The following CCDC141 variants were observed in gnomAD, a reference collection of about 807,000 sequenced individuals.
CCDC141 encodes coiled-coil domain-containing protein 141.
A neutral mutation model predicts 181.0 loss-of-function variants in CCDC141; 168 were observed. The ratio of observed to expected loss-of-function variants is 0.93; its 90% CI spans 0.82 to 1.05. The LOEUF is 1.05. Among genes scored for constraint, CCDC141 ranks in the 50% least tolerant of loss-of-function variants. The pLI is 0.00. For synonymous variants in CCDC141, 666 were observed against 642.3 expected (o/e 1.04, Z -0.56); for missense variants, 1,902 against 1,788.5 (o/e 1.06, Z -1.14).
chr2:178,863,455 T>G (rs1250096819), intron 17 of CCDC141, among the ~76,000 whole-genome samples: 2 of 152,196 alleles, frequency 1.3e-5, no homozygotes, highest in African/African-American at 4.8e-5. Context: ...CATATTTAAT[T>G]TTACGTAAGT....
Position 178,832,484 on chromosome 2 carries a change from C to CAAAAA in CCDC141, c.*1684_*1688dup, listed in dbSNP as rs1250133085. 2 of 119,262 alleles carry CAAAAA rather than the reference C, an allele frequency of 1.7e-5. No individual in the cohort carries two copies. The highest frequency in any genetic ancestry group is 2.7e-4 in the South Asian group (1 of 3,652). The allele number at this position is 119,262 out of a possible 1,614,324, so 7.4% of individuals were successfully genotyped here. A position where few individuals can be genotyped will look rare whatever the true frequency, so the allele number is the denominator to read the frequency against. On this transcript the variant is annotated 3_prime_UTR_variant, in exon 24 of 24. Coordinates refer to ENST00000443758, the MANE Select transcript of CCDC141 (RefSeq NM_173648.4). ...CTTTCTCAAAAAAAAAAAAAAAAAA[C>CAAAAA]AAAAAAAACAAAAAAAAGATAGTTA...
intron 8 of CCDC141, among the ~76,000 whole-genome samples, chr2:178,893,338 G>A (rs1687246709): frequency 6.6e-6 from 1 of 151,942 alleles, no homozygotes; most frequent in South Asian, 2.1e-4. Flanking sequence ...AATTGGGGCT[G>A]GAGGAGGGAA....
At chr2:178,908,320 G>A (rs1359666620) in intron 7 of CCDC141, among the ~76,000 whole-genome samples, 2 of 151,940 alleles carry the variant, frequency 1.3e-5, no homozygotes, top group Non-Finnish European at 2.9e-5. Flanking sequence ...TCAGCCTCCC[G>A]AGTAGCTGGG....
Position 178,964,834 on chromosome 2 carries a change from A to G in CCDC141, c.527-3351T>C, listed in dbSNP as rs561548630. On this transcript the variant is annotated intron_variant, in intron 4 of 23. Coordinates refer to ENST00000443758, the MANE Select transcript of CCDC141 (RefSeq NM_173648.4). Reference sequence around the variant, plus strand: ...ACAGTCAATTTATTTTAAAGACTGTATATCAGCACATACGAAATCCTACTT... The same window carrying G: ...ACAGTCAATTTATTTTAAAGACTGTGTATCAGCACATACGAAATCCTACTT... Among the ~76,000 whole-genome samples the G allele has an allele frequency of 1.6e-4, 24 of 152,352 alleles. No homozygotes were observed. In the South Asian group the frequency reaches 3.7e-3, roughly 24 times the overall value.
At chr2:178,824,061 AACAC>A in the CCDC141 span, among the ~76,000 whole-genome samples, 25 of 147,510 alleles carry the variant, frequency 1.7e-4, 1 homozygote, top group Admixed American at 6.8e-4. Context: ...TACAGAGAAA[AACAC>A]ACACACACAC....
intron 4 of CCDC141, among the ~76,000 whole-genome samples, chr2:178,972,608 A>T (rs1057111395): frequency 6.6e-6 from 1 of 152,154 alleles, no homozygotes; most frequent in Non-Finnish European, 1.5e-5. Flanking sequence ...GGGTTCAGAA[A>T]ACAGTGTTTA....
rs565987618 is a variant in CCDC141, at chr2:179,008,752, C to A, written c.226-30077G>T. Among the ~76,000 whole-genome samples the A allele has an allele frequency of 8.9e-4, 135 of 152,214 alleles. 1 individual carries two copies. Among genetic ancestry groups the A allele is most frequent in the African/African-American group, 2.9e-3 (122 of 41,550 alleles). ...TTAGGGCATTTGAAAAGTCTTGAGT[C>A]CCCCAAATATCTCTACCCACAGGAC... On this transcript the variant is annotated intron_variant, in intron 2 of 23. Transcript: ENST00000443758.
intron 4 of CCDC141, among the ~76,000 whole-genome samples, chr2:178,972,119 T>C (rs1016372184): frequency 1.3e-5 from 2 of 151,926 alleles, no homozygotes; most frequent in Non-Finnish European, 2.9e-5. Context: ...AAAAGATATA[T>C]ACAACATCCA....
At chr2:178,847,458 G>A (rs563698405) in intron 21 of CCDC141, among the ~76,000 whole-genome samples, 255 of 152,262 alleles carry the variant, frequency 1.7e-3, no homozygotes, top group Admixed American at 5.0e-3. Flanking sequence ...TTGAGCCTGG[G>A]AAGTCGAGGC....
At chr2:178,863,993 C>G (rs1685729718) in intron 17 of CCDC141, among the ~76,000 whole-genome samples, 1 of 152,178 alleles carries the variant, frequency 6.6e-6, no homozygotes, top group Non-Finnish European at 1.5e-5. Context: ...TGAGGCAGTC[C>G]CTATAAATAG....
intron 20 of CCDC141, among the ~76,000 whole-genome samples, 172 bp downstream of exon 20, chr2:178,853,269 C>T (rs1420150342): frequency 6.6e-6 from 1 of 152,220 alleles, no homozygotes; most frequent in Non-Finnish European, 1.5e-5. Context: ...ATTCCTCCCT[C>T]TGTTCCCTGT....
chr2:178,889,839 A>C (rs1210752432), intron 8 of CCDC141, among the ~76,000 whole-genome samples: 1 of 152,178 alleles, frequency 6.6e-6, no homozygotes, highest in African/African-American at 2.4e-5. Context: ...TTAATTTTGC[A>C]TTTTAATACG....
chr2:178,936,934 T>C (rs1005880838), intron 6 of CCDC141, among the ~76,000 whole-genome samples: 1 of 152,166 alleles, frequency 6.6e-6, no homozygotes, highest in African/African-American at 2.4e-5. Context: ...ATTATTTCTG[T>C]ACATTGATTT....
chr2:178,927,034 A>G (rs1004176958), intron 6 of CCDC141, among the ~76,000 whole-genome samples: 2 of 152,166 alleles, frequency 1.3e-5, no homozygotes, highest in Non-Finnish European at 2.9e-5. Context: ...AAATTTGTGT[A>G]ACTATATTTA....
In CCDC141 at chr2:178,988,577, T is replaced by C. The variant is rs182956531; in HGVS notation, c.226-9902A>G. Among the ~76,000 whole-genome samples the C allele has an allele frequency of 8.5e-4, 129 of 152,324 alleles. 2 individuals are homozygous for C. Among genetic ancestry groups the C allele is most frequent in the Middle Eastern group, 3.4e-3 (1 of 294 alleles). On this transcript the variant is annotated intron_variant, in intron 2 of 23. Coordinates refer to ENST00000443758, the MANE Select transcript of CCDC141 (RefSeq NM_173648.4). ...ACTTAGTGTTGTTAAAAAGCAATAC[T>C]GTCTAAAGTAATCCACAGATTCAAT...
chr2:178,970,373 C>T (rs1392162615), intron 4 of CCDC141, among the ~76,000 whole-genome samples: 1 of 152,176 alleles, frequency 6.6e-6, no homozygotes, highest in Non-Finnish European at 1.5e-5. Context: ...TCAAACTATC[C>T]TACAACGCTA....
intron 4 of CCDC141, among the ~76,000 whole-genome samples, chr2:178,971,860 G>A (rs58015806): frequency 6.6e-6 from 1 of 152,064 alleles, no homozygotes. Context: ...TCACTCATAA[G>A]TGGGAGTTGA....
At chr2:178,869,951 G>A (rs1686036268) in intron 14 of CCDC141, among the ~76,000 whole-genome samples, 1 of 152,122 alleles carries the variant, frequency 6.6e-6, no homozygotes, top group African/African-American at 2.4e-5. Flanking sequence ...GCTACTATAG[G>A]CTGGGCATGG....
intron 2 of CCDC141, among the ~76,000 whole-genome samples, chr2:179,006,918 C>A (rs898924676): frequency 2.0e-5 from 3 of 152,074 alleles, no homozygotes; most frequent in Non-Finnish European, 2.9e-5. Flanking sequence ...CTCAGTAGAA[C>A]CCTCCTTCCA....
Sources: gnomAD v4.1 joint callset for allele counts (sites outside exome capture counted in the v4.1 genomes callset) on GRCh38, gnomAD v4.1.1 for gene constraint, MANE v1.5 for transcripts, NCBI Gene and HGNC (gene_info 2026-07-23, HGNC 2026-07-21) for gene names.